ATP6V1C1: variants seen among roughly 807,000 people sequenced by gnomAD.
ATP6V1C1 encodes the protein ATPase H+ transporting V1 subunit C1.
A neutral mutation model predicts 53.9 loss-of-function variants in ATP6V1C1; 45 were observed. The ratio of observed to expected loss-of-function variants is 0.83; its 90% confidence interval spans 0.66 to 1.07. The LOEUF is 1.07. ATP6V1C1 is among the 50% of genes least tolerant of loss of function. The pLI is 0.00. For missense variants in ATP6V1C1, 315 were observed against 440.3 expected, an observed-to-expected ratio of 0.72 and a Z score of 2.55; for synonymous variants, 153 against 155.2, an observed-to-expected ratio of 0.99 and a Z score of 0.11.
intron 2 of ATP6V1C1, among the ~76,000 whole-genome samples, chr8:103,041,867 G>A (rs1038732207): frequency 4.6e-5 from 7 of 152,076 alleles, no homozygotes; most frequent in African/African-American, 7.2e-5. Flanking sequence ...GTGAGACTCC[G>A]TCTCAAAAAT....
chr8:103,040,767 T>C, intron 1 of ATP6V1C1, 31 bp from the exon 2 acceptor site: 1 of 1,539,000 alleles, frequency 6.5e-7, no homozygotes, highest in South Asian at 1.2e-5. Flanking sequence ...TGATTTTAAA[T>C]GTGATTTTTT....
At chr8:103,053,838 C>A (rs761552292) in intron 6 of ATP6V1C1, 46 bp from the exon 7 acceptor site, 2 of 1,385,434 alleles carry the variant, frequency 1.4e-6, no homozygotes, top group African/African-American at 2.9e-5. Flanking sequence ...ACTTGTGTTA[C>A]AGAAGCACAT....
At chr8:103,021,707 A>G (rs1274048238) in intron 1 of ATP6V1C1, among the ~76,000 whole-genome samples, 1 of 152,110 alleles carries the variant, frequency 6.6e-6, no homozygotes, top group African/African-American at 2.4e-5. Flanking sequence ...GCAGGCAAGG[A>G]ACCCTCACAG....
chr8:103,032,188 CAAT>C (rs1816810133), intron 1 of ATP6V1C1, among the ~76,000 whole-genome samples: 1 of 152,100 alleles, frequency 6.6e-6, no homozygotes, highest in South Asian at 2.1e-4. Flanking sequence ...TTGTGCAACT[CAAT>C]AAGTGAATCC....
At position 103,048,928 on chromosome 8, in the gene ATP6V1C1, G is replaced by A. The variant is rs143958520; in HGVS notation, c.259G>A (p.Val87Ile). The change falls in exon 4 of 13, where the codon GTT (valine) becomes ATT (isoleucine). Residue 87 changes from valine to isoleucine, a missense_variant. Val to Ile is a conservative substitution (Grantham distance 29). Coordinates refer to ENST00000518738, the MANE Select transcript of ATP6V1C1 (RefSeq NM_001695.5). The part of the protein sequence containing the change: ...ADVLEDSKDK[V>I]QENLLANGVD... The stretch of plus-strand genomic sequence containing the variant: ...TGTATTGGAAGATAGCAAAGACAAA[G>A]TTCAAGAGAATCTGTTGGCTAATGG... 9.3e-6 allele frequency: 15 copies of A among 1,613,148 alleles called. No individual in the cohort carries two copies. The highest frequency in any genetic ancestry group is 1.3e-5 in the African/African-American group (1 of 74,904).
At chr8:103,028,266 G>T (rs1449385827) in intron 1 of ATP6V1C1, among the ~76,000 whole-genome samples, 1 of 152,124 alleles carries the variant, frequency 6.6e-6, no homozygotes, top group Non-Finnish European at 1.5e-5. Flanking sequence ...AAGGGAAGGA[G>T]GCCTGAGGTC....
chr8:103,038,544 T>C (rs976909070), intron 1 of ATP6V1C1, among the ~76,000 whole-genome samples: 2 of 152,218 alleles, frequency 1.3e-5, no homozygotes, highest in Admixed American at 6.5e-5. Context: ...TAGAGAGATA[T>C]GTACACATTG....
At chr8:103,051,560 C>G in intron 5 of ATP6V1C1, among the ~76,000 whole-genome samples, 1 of 152,098 alleles carries the variant, frequency 6.6e-6, no homozygotes, top group Non-Finnish European at 1.5e-5. Context: ...GATTCTCTGA[C>G]CCCTTCGGAC....
At chr8:103,067,116 C>T (rs1817505294) in intron 12 of ATP6V1C1, among the ~76,000 whole-genome samples, 1 of 150,882 alleles carries the variant, frequency 6.6e-6, no homozygotes, top group Admixed American at 6.6e-5. Context: ...TTGTAGTGGG[C>T]CGCTGGGCGT....
chr8:103,064,091 A>T (rs1817448817), intron 10 of ATP6V1C1, among the ~76,000 whole-genome samples: 1 of 152,192 alleles, frequency 6.6e-6, no homozygotes, highest in Admixed American at 6.5e-5. Flanking sequence ...AATGTTATCC[A>T]AGGAAGTGTT....
intron 6 of ATP6V1C1, 81 bp from the exon 7 acceptor site, chr8:103,053,803 A>G: frequency 9.6e-7 from 1 of 1,045,550 alleles, no homozygotes; most frequent in Non-Finnish European, 1.5e-6. Flanking sequence ...AGTATATGTG[A>G]AAATGATTAG....
chr8:103,058,317 A>C (rs1004908957), intron 8 of ATP6V1C1, among the ~76,000 whole-genome samples: 1 of 152,194 alleles, frequency 6.6e-6, no homozygotes, highest in African/African-American at 2.4e-5. Flanking sequence ...CCTATTTCTC[A>C]GTTCAAAGTA....
At chr8:103,022,109 GAA>G (rs1381571290) in intron 1 of ATP6V1C1, among the ~76,000 whole-genome samples, 2 of 152,178 alleles carry the variant, frequency 1.3e-5, no homozygotes, top group Non-Finnish European at 2.9e-5. Flanking sequence ...ACCAAAAAGA[GAA>G]TGCGAAGTGC....
In ATP6V1C1 at chr8:103,068,705, T is replaced by C. The variant is rs138383098; in HGVS notation, c.1107T>C (p.Tyr369=). Residue 369 remains tyrosine, a synonymous_variant, in exon 13 of 13, where the codon TAT becomes TAC. Transcript: ENST00000518738. ...LNLSQQEYYP[Y]VYYKIDCNLL... Reference sequence around the variant, plus strand: ...TGAGTCAACAAGAATACTACCCCTATGTGTACTACAAGATTGATTGCAACT... The same window carrying C: ...TGAGTCAACAAGAATACTACCCCTACGTGTACTACAAGATTGATTGCAACT... The C allele has an allele frequency of 5.6e-4, 899 of 1,611,728 alleles. 10 individuals carry two copies. In the South Asian group the frequency reaches 6.3e-3, roughly 11 times the overall value.
chr8:103,050,384 T>C (rs538323026), intron 4 of ATP6V1C1, among the ~76,000 whole-genome samples: 1 of 152,322 alleles, frequency 6.6e-6, no homozygotes, highest in Admixed American at 6.5e-5. Flanking sequence ...ACTGGTATTA[T>C]GTAAGGAGAT....
At chr8:103,055,958 AC>A (rs1379237453) in intron 8 of ATP6V1C1, 22 bp downstream of exon 8, 2 of 1,603,668 alleles carry the variant, frequency 1.2e-6, no homozygotes, top group Admixed American at 3.3e-5. Context: ...TCTTTGTAAA[AC>A]CATTTGTTTC....
chr8:103,042,466 T>C (rs1163940371), intron 3 of ATP6V1C1, 59 bp downstream of exon 3: 1 of 1,534,768 alleles, frequency 6.5e-7, no homozygotes, highest in Non-Finnish European at 9.0e-7. Context: ...TCAGGCTTCA[T>C]GGACACTGGG....
intron 1 of ATP6V1C1, among the ~76,000 whole-genome samples, chr8:103,028,096 G>A (rs1233120625): frequency 6.6e-6 from 1 of 152,218 alleles, no homozygotes; most frequent in Non-Finnish European, 1.5e-5. Flanking sequence ...AATGACATGA[G>A]TGTAAGTAGA....
chr8:103,021,730 C>T lies in ATP6V1C1; in HGVS notation c.-40+505C>T, dbSNP rs143835004. On this transcript the variant is annotated intron_variant, in intron 1 of 12. Coordinates refer to ENST00000518738, the MANE Select transcript of ATP6V1C1 (RefSeq NM_001695.5). ...GGAACCCTCACAGAGTACACAAGGT[C>T]CCTCTAGGAATGAGAAAGAACAGGA... is the stretch of plus-strand genomic sequence containing the variant. 7.3e-3 allele frequency among the ~76,000 whole-genome samples: 1,111 copies of T among 152,078 alleles called. 19 individuals carry two copies. Among genetic ancestry groups the T allele is most frequent in the African/African-American group, 0.026 (1,067 of 41,438 alleles).
Sources: gnomAD v4.1 joint callset for allele counts (sites outside exome capture counted in the v4.1 genomes callset) on GRCh38, gnomAD v4.1.1 for gene constraint, MANE v1.5 for transcripts, NCBI Gene and HGNC (gene_info 2026-07-23, HGNC 2026-07-21) for gene names.